The following TFEC variants were observed in gnomAD, a reference collection of about 807,000 sequenced individuals.
TFEC encodes transcription factor EC, also known as class E basic helix-loop-helix protein 34.
Under a neutral mutation model 41.6 loss-of-function variants are expected in TFEC, and 31 were observed. The observed-to-expected ratio is 0.74, with a 90% CI of 0.56 to 1.01. The LOEUF (loss-of-function observed/expected upper bound fraction) is 1.01. Ranked by LOEUF, TFEC falls within the 50% of genes least tolerant of loss-of-function variation. The probability of loss-of-function intolerance (pLI) is 0.00; values close to 1 mark genes in which losing one functional copy is unlikely to be tolerated. For synonymous variants in TFEC, 143 were observed against 140.6 expected, an observed-to-expected ratio of 1.02 and a Z score of -0.12; for missense variants, 402 against 404.1, an observed-to-expected ratio of 0.99 and a Z score of 0.04.
chr7:116,027,197 G>A (rs955850520), intron 1 of TFEC, among the ~76,000 whole-genome samples: 12 of 152,132 alleles, frequency 7.9e-5, no homozygotes, highest in Non-Finnish European at 1.5e-4. Context: ...GTAGGTACTG[G>A]TCTAGATTTT....
At chr7:116,103,196 C>T (rs767179199) in intron 3 of TFEC, among the ~76,000 whole-genome samples, 5 of 152,036 alleles carry the variant, frequency 3.3e-5, no homozygotes, top group Non-Finnish European at 7.4e-5. Context: ...ACTTGGAGCC[C>T]CAGGGAAGCA....
rs149768353 is a variant in TFEC at position 116,129,971 on chromosome 7, T to C, written c.-68-17933A>G. On this transcript the variant is annotated intron_variant, in intron 1 of 8. Transcript: ENST00000484212. Reference sequence around the variant, plus strand: ...AGTGGCTCTCCTTCCCCTCATGCTATGATGCTTATTATTCAGTCATTTTTT... The same window carrying C: ...AGTGGCTCTCCTTCCCCTCATGCTACGATGCTTATTATTCAGTCATTTTTT... Among the ~76,000 whole-genome samples, 477 of 151,952 alleles carry C rather than the reference T, an allele frequency of 3.1e-3. 10 individuals are homozygous for C. In the South Asian group the frequency reaches 0.048, roughly 15 times the overall value.
chr7:116,048,772 C>T (rs1796234309), intron 3 of TFEC, among the ~76,000 whole-genome samples: 1 of 152,218 alleles, frequency 6.6e-6, no homozygotes, highest in African/African-American at 2.4e-5. Context: ...ATCAGACTAA[C>T]AGTGGATCTC....
intron 3 of TFEC, among the ~76,000 whole-genome samples, chr7:116,044,849 G>GT (rs1236119051): frequency 6.6e-6 from 1 of 152,200 alleles, no homozygotes; most frequent in Non-Finnish European, 1.5e-5. Flanking sequence ...TTGTGATGAG[G>GT]TTTTTTCCCC....
chr7:116,069,942 T>C (rs1796785423), intron 3 of TFEC, among the ~76,000 whole-genome samples: 1 of 151,574 alleles, frequency 6.6e-6, no homozygotes, highest in Non-Finnish European at 1.5e-5. Context: ...GATCTGCTTC[T>C]TTTAAAACAA....
intron 1 of TFEC, among the ~76,000 whole-genome samples, chr7:116,124,805 C>G (rs1798177552): frequency 6.6e-6 from 1 of 152,136 alleles, no homozygotes; most frequent in African/African-American, 2.4e-5. Flanking sequence ...ACAATTACTT[C>G]TATGCTGTAT....
At chr7:115,943,549 T>TAAA (rs1793617755) in intron 6 of TFEC, among the ~76,000 whole-genome samples, 1 of 149,738 alleles carries the variant, frequency 6.7e-6, no homozygotes, top group Admixed American at 6.6e-5. Context: ...TGATGTCACT[T>TAAA]ACAATAATTT....
chr7:116,115,613 A>T (rs548475535), intron 1 of TFEC, among the ~76,000 whole-genome samples: 7 of 151,972 alleles, frequency 4.6e-5, no homozygotes, highest in Non-Finnish European at 1.0e-4. Context: ...AGATAACCCC[A>T]CAAAAATCTC....
chr7:115,987,769 A>T (rs1441163406), intron 1 of TFEC, among the ~76,000 whole-genome samples: 1 of 152,184 alleles, frequency 6.6e-6, no homozygotes, highest in African/African-American at 2.4e-5. Context: ...ATAAACACAT[A>T]TAAAATGTGT....
intron 2 of TFEC, among the ~76,000 whole-genome samples, chr7:115,976,917 T>A (rs969455234): frequency 3.3e-5 from 5 of 152,164 alleles, no homozygotes; most frequent in Non-Finnish European, 5.9e-5. Context: ...ATGCTTAGGT[T>A]TCCCTTATTC....
At chr7:116,036,356 T>C (rs1379608398) in intron 3 of TFEC, among the ~76,000 whole-genome samples, 1 of 152,076 alleles carries the variant, frequency 6.6e-6, no homozygotes, top group Non-Finnish European at 1.5e-5. Context: ...TCCAGGCACA[T>C]GCTTCCCAAG....
intron 1 of TFEC, among the ~76,000 whole-genome samples, chr7:116,000,385 C>A (rs956140597): frequency 1.3e-5 from 2 of 152,040 alleles, no homozygotes; most frequent in African/African-American, 4.8e-5. Flanking sequence ...ATCCTTTCCT[C>A]TAAGATCTGG....
At chr7:116,102,626 G>T (rs1797629699) in intron 3 of TFEC, among the ~76,000 whole-genome samples, 1 of 152,178 alleles carries the variant, frequency 6.6e-6, no homozygotes, top group Non-Finnish European at 1.5e-5. Flanking sequence ...AGAATGAAAG[G>T]ATGACCCCAA....
At chr7:116,152,651 A>T (rs1167834497) in intron 1 of TFEC, among the ~76,000 whole-genome samples, 1 of 152,224 alleles carries the variant, frequency 6.6e-6, no homozygotes, top group African/African-American at 2.4e-5. Context: ...CAAGAAATGT[A>T]CTCAGAATCG....
rs774632405 is a variant in TFEC, at chr7:115,939,362, T to C, written c.*1189A>G. 1 of 152,026 alleles carries C rather than the reference T, an allele frequency of 6.6e-6. No individual in the cohort carries two copies. 9.4% of individuals were successfully genotyped at this position (152,026 alleles called of 1,614,324 possible). A position where few individuals can be genotyped will look rare whatever the true frequency, so the allele number is the denominator to read the frequency against. ...CAAGCGCAAGAGATAAAAATCTAAA[T>C]GAAGCATCATAGTTATAAGTGCTTA... On this transcript the variant is annotated 3_prime_UTR_variant, in exon 8 of 8. Coordinates refer to ENST00000265440, the MANE Select transcript of TFEC (RefSeq NM_012252.4).
chr7:116,097,940 AAC>A (rs1797506438), intron 3 of TFEC, among the ~76,000 whole-genome samples: 1 of 152,226 alleles, frequency 6.6e-6, no homozygotes. Context: ...AAGAATGAGA[AAC>A]AGAGTGAGTG....
chr7:115,994,409 G>A (rs887455571), intron 1 of TFEC, among the ~76,000 whole-genome samples: 5 of 152,198 alleles, frequency 3.3e-5, no homozygotes, highest in Non-Finnish European at 5.9e-5. Context: ...TACCATCAGA[G>A]TGAACAGGCA....
At chr7:115,991,786 T>C (rs1324509039) in intron 1 of TFEC, among the ~76,000 whole-genome samples, 1 of 152,116 alleles carries the variant, frequency 6.6e-6, no homozygotes, top group African/African-American at 2.4e-5. Context: ...CTGTCAACAT[T>C]AGACAGATCA....
chr7:116,067,286 C>T (rs1796716255), intron 3 of TFEC, among the ~76,000 whole-genome samples: 1 of 151,942 alleles, frequency 6.6e-6, no homozygotes, highest in Non-Finnish European at 1.5e-5. Context: ...ATAGACGTTT[C>T]CATGTCTAAG....
Sources: gnomAD v4.1 joint callset for allele counts (sites outside exome capture counted in the v4.1 genomes callset) on GRCh38, gnomAD v4.1.1 for gene constraint, MANE v1.5 for transcripts, NCBI Gene and HGNC (gene_info 2026-07-23, HGNC 2026-07-21) for gene names.